SREK1: variants seen among roughly 807,000 people sequenced by gnomAD.
The protein encoded by SREK1 is splicing regulatory glutamic acid and lysine rich protein 1, also known as splicing regulatory glutamine/lysine-rich protein 1.
SREK1 carries 13 observed loss-of-function variants against 66.5 expected under a neutral mutation model. The ratio of observed to expected loss-of-function variants is 0.20; its 90% CI spans 0.13 to 0.31. The LOEUF is 0.31. Among genes scored for constraint, SREK1 ranks in the 10% least tolerant of loss-of-function variants. The probability of loss-of-function intolerance (pLI) is 1.00; values close to 1 mark genes in which losing one functional copy is unlikely to be tolerated. For missense variants in SREK1, 607 were observed against 769.6 expected (o/e 0.79, Z 2.50); for synonymous variants, 265 against 263.5 (o/e 1.01, Z -0.05).
rs762368175 is a variant in SREK1, at chr5:66,162,395, T to A, written c.577-19T>A. 1 of 1,611,644 alleles carries A rather than the reference T, an allele frequency of 6.2e-7. No homozygotes were observed. Among genetic ancestry groups the A allele is most frequent in the South Asian group, 1.1e-5 (1 of 90,788 alleles). ...TTTAAATGGATATATTTTATCAAAG[T>A]GTCACTTTGTTCCCTTAGACAACGA... On this transcript the variant is annotated intron_variant, in intron 4 of 11. Coordinates refer to ENST00000334121, the MANE Select transcript of SREK1 (RefSeq NM_001077199.3).
At chr5:66,153,086 T>C (rs1045323979) in intron 1 of SREK1, among the ~76,000 whole-genome samples, 1 of 152,230 alleles carries the variant, frequency 6.6e-6, no homozygotes, top group African/African-American at 2.4e-5. Context: ...AGAGTTGGAA[T>C]GATGATAAAA....
In SREK1 at chr5:66,180,603, T is replaced by A. The variant is rs1375671145; in HGVS notation, c.*1735T>A. On this transcript the variant is annotated 3_prime_UTR_variant, in exon 12 of 12. Coordinates refer to ENST00000334121, the MANE Select transcript of SREK1 (RefSeq NM_001077199.3). ...TTCATGTGTTCAGAATTACTGTTTT[T>A]TTTGTTTGTTTTTCCTTTTTGTCAC... 6.6e-6 allele frequency: 1 copy of A among 152,602 alleles called. No individual in the cohort carries two copies. Among genetic ancestry groups the A allele is most frequent in the Non-Finnish European group, 1.5e-5 (1 of 68,014 alleles). The allele number at this position is 152,602 out of a possible 1,614,324, so 9.5% of individuals were successfully genotyped here. A position where few individuals can be genotyped will look rare whatever the true frequency, so the allele number is the denominator to read the frequency against.
intron 3 of SREK1, among the ~76,000 whole-genome samples, chr5:66,160,004 C>T (rs905538720): frequency 2.6e-5 from 4 of 152,166 alleles, no homozygotes; most frequent in African/African-American, 9.7e-5. Context: ...GTGGCGGGTG[C>T]CCGTAGTCCC....
chr5:66,149,627 T>A (rs2111935588), intron 1 of SREK1, among the ~76,000 whole-genome samples: 1 of 152,364 alleles, frequency 6.6e-6, no homozygotes, highest in Middle Eastern at 3.4e-3. Flanking sequence ...AGTGCTTACT[T>A]AACATTTACA....
chr5:66,167,021 T>A (rs1005834208), intron 7 of SREK1: 2 of 152,186 alleles, frequency 1.3e-5, no homozygotes, highest in African/African-American at 4.8e-5. Flanking sequence ...TAGTGGGAGT[T>A]GTTGTCCTTG....
In SREK1 at chr5:66,170,925, C is replaced by G; in HGVS notation, c.1462C>G (p.Arg488Gly). The G allele has an allele frequency of 6.2e-7, 1 of 1,606,106 alleles. No individual in the cohort carries two copies. Among genetic ancestry groups the G allele is most frequent in the Non-Finnish European group, 8.5e-7 (1 of 1,177,394 alleles). The change falls in exon 9 of 12, where the codon CGA becomes GGA. Residue 488 changes from arginine (R) to glycine (G), a missense_variant. By Grantham distance (125) the Arg-to-Gly change is moderately radical. Around this residue, in one of 5 missense-constraint regions of SREK1, gnomAD observed 318 missense variants for 310.3 expected, o/e 1.02. Transcript: ENST00000334121. ...ACCACCCAGGAGTTACAATGCATCG[C>G]GAAGATCTCGTAGTTCCAGCAGGTT... Reference protein sequence around the residue: ...RTPPRSYNASRRSRSSSRERR... With the variant: ...RTPPRSYNASGRSRSSSRERR...
intron 1 of SREK1, among the ~76,000 whole-genome samples, chr5:66,147,056 A>T (rs1743298544): frequency 6.6e-6 from 1 of 151,026 alleles, no homozygotes; most frequent in Non-Finnish European, 1.5e-5. Context: ...CCTATCTCTT[A>T]AAAAAAAATG....
At chr5:66,161,432 A>G (rs73109312) in intron 3 of SREK1, among the ~76,000 whole-genome samples, 2,408 of 152,302 alleles carry the variant, frequency 0.016, 61 homozygotes, top group African/African-American at 0.055. Flanking sequence ...GGCAGTAAAC[A>G]AGCACGCAGT....
intron 11 of SREK1, among the ~76,000 whole-genome samples, chr5:66,178,151 A>C (rs1438845162): frequency 6.6e-6 from 1 of 152,060 alleles, no homozygotes; most frequent in African/African-American, 2.4e-5. Flanking sequence ...GGAAATTATG[A>C]ATTTTGGAAC....
chr5:66,169,216 G>GA (rs1745416725), intron 7 of SREK1: 1 of 152,162 alleles, frequency 6.6e-6, no homozygotes, highest in South Asian at 2.1e-4. Flanking sequence ...GTCCAAATTG[G>GA]AATAACAGTT....
intron 5 of SREK1, 115 bp downstream of exon 5, chr5:66,162,707 G>A (rs758129604): frequency 2.9e-5 from 28 of 956,706 alleles, no homozygotes; most frequent in Non-Finnish European, 3.9e-5. Flanking sequence ...TGGAAAGGAA[G>A]ACTTTGTGTT....
At chr5:66,156,267 T>C in intron 2 of SREK1, 1 of 1,320,124 alleles carries the variant, frequency 7.6e-7, no homozygotes, top group Non-Finnish European at 9.6e-7. Flanking sequence ...CCTTTTTTTG[T>C]TTTTGTTTTT....
chr5:66,174,965 A>G lies in SREK1; in HGVS notation c.1504A>G (p.Ser502Gly). Residue 502 changes from serine to glycine, a missense_variant, in exon 10 of 12, where the codon AGC becomes GGC. By Grantham distance (56) the Ser-to-Gly change is moderately conservative. Coordinates refer to ENST00000334121, the MANE Select transcript of SREK1 (RefSeq NM_001077199.3). Reference protein sequence around the residue: ...SSSRERRRRRSRSSSRSPRTS... With the variant: ...SSSRERRRRRGRSSSRSPRTS... Reference sequence around the variant, plus strand: ...TTTCAGGGAAAGGCGTAGGAGGAGGAGCAGGAGTTCTTCCAGATCGCCAAG... The same window carrying G: ...TTTCAGGGAAAGGCGTAGGAGGAGGGGCAGGAGTTCTTCCAGATCGCCAAG... The G allele has an allele frequency of 1.2e-6, 2 of 1,613,030 alleles. No homozygotes were observed. The highest frequency in any genetic ancestry group is 1.1e-5 in the South Asian group (1 of 90,870).
intron 1 of SREK1, among the ~76,000 whole-genome samples, chr5:66,153,200 T>G (rs1391978571): frequency 6.6e-6 from 1 of 152,178 alleles, no homozygotes; most frequent in East Asian, 1.9e-4. Context: ...TTACATTCAC[T>G]CGGATTAAGG....
intron 7 of SREK1, chr5:66,167,997 A>G (rs921460765): frequency 1.3e-5 from 2 of 152,164 alleles, no homozygotes; most frequent in African/African-American, 4.8e-5. Context: ...CTTAAGTACT[A>G]GTGATAAAGA....
chr5:66,170,991 C>A, intron 9 of SREK1, 44 bp downstream of exon 9: 2 of 1,546,940 alleles, frequency 1.3e-6, no homozygotes, highest in South Asian at 1.3e-5. Context: ...TTGCTGATGA[C>A]AATTGGAAAC....
At chr5:66,150,106 C>G (rs1037796085) in intron 1 of SREK1, among the ~76,000 whole-genome samples, 1 of 152,218 alleles carries the variant, frequency 6.6e-6, no homozygotes, top group Admixed American at 6.5e-5. Context: ...CTCATTTGGT[C>G]GAGCCTGACT....
intron 2 of SREK1, among the ~76,000 whole-genome samples, chr5:66,155,854 A>G (rs1034439820): frequency 3.9e-5 from 6 of 152,210 alleles, no homozygotes; most frequent in African/African-American, 1.2e-4. Flanking sequence ...CTTTCATTAT[A>G]CTTGTCCAAA....
Position 66,144,556 on chromosome 5 carries a change from C to T in SREK1, c.161+19C>T. On this transcript the variant is annotated intron_variant, in intron 1 of 11. Coordinates refer to ENST00000334121, the MANE Select transcript of SREK1 (RefSeq NM_001077199.3). The stretch of plus-strand genomic sequence containing the variant: ...CCCCGGAGTAAGTGCTGGAGCTCGG[C>T]TGGGGGAGGGGCGCGGGCGCCATAG... The T allele has an allele frequency of 6.5e-7, 1 of 1,541,288 alleles. No individual in the cohort carries two copies. The highest frequency in any genetic ancestry group is 1.2e-5 in the South Asian group (1 of 83,496).
Sources: allele counts gnomAD v4.1 joint callset (sites outside exome capture counted in the v4.1 genomes callset), GRCh38; gene constraint gnomAD v4.1.1; regional missense constraint gnomAD v4.1.1; transcripts MANE v1.5; gene names NCBI Gene and HGNC (gene_info 2026-07-23, HGNC 2026-07-21).